Variants in CDH18 observed in about 807,000 individuals in gnomAD.
The protein encoded by CDH18 is cadherin-18.
CDH18 carries 31 observed loss-of-function variants against 67.9 expected under a neutral mutation model. The observed-to-expected ratio is 0.46, with a 90% CI of 0.34 to 0.62. The LOEUF (loss-of-function observed/expected upper bound fraction) is 0.62, where lower values mean the gene tolerates loss of function less well. CDH18 is among the 20% of genes least tolerant of loss of function. CDH18 has a pLI of 0.01. For synonymous variants in CDH18, 362 were observed against 347.2 expected, an observed-to-expected ratio of 1.04 and a Z score of -0.48; for missense variants, 890 against 975.5, an observed-to-expected ratio of 0.91 and a Z score of 1.17.
chr5:19,739,669 TC>T (rs1400958599), intron 4 of CDH18, among the ~76,000 whole-genome samples: 1 of 152,226 alleles, frequency 6.6e-6, no homozygotes, highest in Non-Finnish European at 1.5e-5. Context: ...CAAAATTTTG[TC>T]TACTTTCTGG....
At chr5:20,490,221 G>T (rs184898110) in intron 1 of CDH18, among the ~76,000 whole-genome samples, 4 of 152,008 alleles carry the variant, frequency 2.6e-5, no homozygotes, top group Non-Finnish European at 4.4e-5. Context: ...TGATCAAAAG[G>T]CTTTACAGAT....
rs1561848652 is a variant in CDH18 at position 20,172,222 on chromosome 5, A to ATATACATATATATATACATATATATACG, written c.-518+83221_-518+83222insCGTATATATATGTATATATATATGTATA. On this transcript the variant is annotated intron_variant, in intron 2 of 14. Coordinates refer to the CDH18 transcript ENST00000507958. ...TATATATATATATATATATATATAT[A>ATATACATATATATATACATATATATACG]TGTATATATATATATATGTATATAT... 5.0e-5 allele frequency among the ~76,000 whole-genome samples: 2 copies of ATATACATATATATATACATATATATACG among 39,670 alleles called. 1 individual carries two copies. The highest frequency in any genetic ancestry group is 2.0e-4 in the African/African-American group (2 of 10,172). The allele number at this position is 39,670 out of a possible 152,430, so 26.0% of individuals were successfully genotyped here. A position where few individuals can be genotyped will look rare whatever the true frequency, so the allele number is the denominator to read the frequency against.
intron 5 of CDH18, among the ~76,000 whole-genome samples, chr5:19,673,009 T>C (rs1580803837): frequency 6.6e-6 from 1 of 152,172 alleles, no homozygotes; most frequent in East Asian, 1.9e-4. Context: ...TGTCTTTAGG[T>C]GATGCTCACC....
chr5:20,569,828 T>C (rs928180404), intron 1 of CDH18, among the ~76,000 whole-genome samples: 2 of 152,164 alleles, frequency 1.3e-5, no homozygotes, highest in Admixed American at 6.5e-5. Context: ...ATCCATAACA[T>C]AGAGAATATT....
At chr5:20,518,514 C>T (rs1032693650) in intron 1 of CDH18, among the ~76,000 whole-genome samples, 11 of 152,260 alleles carry the variant, frequency 7.2e-5, no homozygotes, top group Middle Eastern at 3.4e-3. Context: ...AATTATGGAT[C>T]CTGTGTAAGC....
rs923481781 is a variant in CDH18, at chr5:19,789,601, G to A, written c.229-42365C>T. Among the ~76,000 whole-genome samples the A allele has an allele frequency of 4.6e-5, 7 of 152,152 alleles. No homozygotes were observed. In the South Asian group the frequency reaches 8.3e-4, roughly 18 times the overall value. ...TCCCTTTGATGATGACAAAAAATAC[G>A]TCAATTATTAAGAATATAAAGTTGA... On this transcript the variant is annotated intron_variant, in intron 3 of 12. Transcript: ENST00000382275.
chr5:20,487,402 G>A (rs952640005), intron 1 of CDH18, among the ~76,000 whole-genome samples: 26 of 145,124 alleles, frequency 1.8e-4, no homozygotes, highest in Admixed American at 1.4e-4. Flanking sequence ...ATATATATAG[G>A]TTTCAGGATT....
chr5:19,903,084 T>C (rs1217103374), intron 2 of CDH18, among the ~76,000 whole-genome samples: 5 of 151,970 alleles, frequency 3.3e-5, no homozygotes, highest in African/African-American at 1.2e-4. Flanking sequence ...CCAACCACAG[T>C]TTATTTTGGA....
At chr5:20,050,862 A>G (rs773481510) in intron 2 of CDH18, among the ~76,000 whole-genome samples, 2 of 151,844 alleles carry the variant, frequency 1.3e-5, no homozygotes, top group Non-Finnish European at 2.9e-5. Context: ...TTCAGAAATC[A>G]AGTCTTTCTT....
rs373630774 is a variant in CDH18, at chr5:20,206,975, T to C, written c.-518+48469A>G. Among the ~76,000 whole-genome samples the C allele has an allele frequency of 3.2e-3, 489 of 152,074 alleles. 7 individuals carry two copies. Among genetic ancestry groups the C allele is most frequent in the South Asian group, 0.025 (123 of 4,828 alleles). ...TTATCTCTACTTTTATTCAATGTAA[T>C]ACTGGAATTCCCAGCTAGAACAATT... is the stretch of plus-strand genomic sequence containing the variant. On this transcript the variant is annotated intron_variant, in intron 2 of 14. Transcript: ENST00000507958.
At chr5:19,687,201 G>C (rs1052363834) in intron 5 of CDH18, among the ~76,000 whole-genome samples, 1 of 152,132 alleles carries the variant, frequency 6.6e-6, no homozygotes, top group East Asian at 1.9e-4. Flanking sequence ...GCTACCTGAA[G>C]AGAGTGTGAT....
intron 8 of CDH18, among the ~76,000 whole-genome samples, chr5:19,557,843 T>C (rs1404619979): frequency 6.6e-6 from 1 of 152,082 alleles, no homozygotes; most frequent in African/African-American, 2.4e-5. Flanking sequence ...AGAATATTCA[T>C]TCTATTCATC....
intron 3 of CDH18, among the ~76,000 whole-genome samples, chr5:19,789,029 C>T (rs1776096950): frequency 6.6e-6 from 1 of 152,134 alleles, no homozygotes; most frequent in Non-Finnish European, 1.5e-5. Context: ...AGCATGCATG[C>T]CATCTTCTCC....
At chr5:19,483,196 G>A in intron 12 of CDH18, 105 bp downstream of exon 12, 1 of 1,090,018 alleles carries the variant, frequency 9.2e-7, no homozygotes, top group Non-Finnish European at 1.3e-6. Context: ...TGGAGCAGCT[G>A]TTTCCTTACC....
chr5:20,420,343 A>T (rs1297835450), intron 1 of CDH18, among the ~76,000 whole-genome samples: 15 of 151,262 alleles, frequency 9.9e-5, no homozygotes, highest in Admixed American at 3.3e-4. Context: ...AGAGTTAAGG[A>T]CTTATTCTTT....
chr5:19,915,487 C>T (rs965918005), intron 2 of CDH18, among the ~76,000 whole-genome samples: 6 of 151,924 alleles, frequency 3.9e-5, no homozygotes, highest in African/African-American at 1.5e-4. Flanking sequence ...AAAATAAACA[C>T]ATTTTCGAAC....
chr5:19,984,161 G>T (rs1385533431), intron 1 of CDH18, among the ~76,000 whole-genome samples: 1 of 151,878 alleles, frequency 6.6e-6, no homozygotes, highest in Non-Finnish European at 1.5e-5. Flanking sequence ...ATATATTTGT[G>T]CACATGGGTT....
At chr5:20,108,750 T>C (rs537230770) in intron 2 of CDH18, among the ~76,000 whole-genome samples, 1 of 152,268 alleles carries the variant, frequency 6.6e-6, no homozygotes, top group East Asian at 1.9e-4. Context: ...ACTTCTGCCA[T>C]TATCATCCTT....
chr5:19,564,718 C>A (rs971375702), intron 8 of CDH18, among the ~76,000 whole-genome samples: 1 of 152,062 alleles, frequency 6.6e-6, no homozygotes, highest in Non-Finnish European at 1.5e-5. Context: ...AGCTTGGATA[C>A]CAGCTTGACC....
Sources: gnomAD v4.1 joint callset for allele counts (sites outside exome capture counted in the v4.1 genomes callset) on GRCh38, gnomAD v4.1.1 for gene constraint, MANE v1.5 for transcripts, NCBI Gene and HGNC (gene_info 2026-07-23, HGNC 2026-07-21) for gene names.